CASC3: variants seen among roughly 807,000 people sequenced by gnomAD.
The protein encoded by CASC3 is protein CASC3.
Under a neutral mutation model 80.5 loss-of-function variants are expected in CASC3, and 30 were observed. That is an observed-to-expected ratio of 0.37 (90% CI 0.28 to 0.51). CASC3 has a LOEUF of 0.51. Ranked by LOEUF, CASC3 falls within the 20% of genes least tolerant of loss-of-function variation. The pLI is 0.94. For missense variants in CASC3, 824 were observed against 922.2 expected (o/e 0.89, Z 1.38); for synonymous variants, 312 against 333.6 (o/e 0.94, Z 0.70).
chr17:40,149,407 C>T (rs1988941144), intron 3 of CASC3, among the ~76,000 whole-genome samples: 2 of 151,556 alleles, frequency 1.3e-5, no homozygotes, highest in South Asian at 4.1e-4. Flanking sequence ...GCCACTGTGC[C>T]TGGCCAAAAA....
rs1303425846 is a variant in CASC3 at position 40,171,101 on chromosome 17, A to G, written c.*696A>G. ...CATGGCTGTCTGCACAGAGGGTCCC[A>G]TTGTGCAGAAAAGCTCAGAGTAGGT... On this transcript the variant is annotated 3_prime_UTR_variant, in exon 14 of 14. Transcript: ENST00000264645. 18 of 985,658 alleles carry G rather than the reference A, an allele frequency of 1.8e-5. No homozygotes were observed. The highest frequency in any genetic ancestry group is 2.2e-5 in the Non-Finnish European group (18 of 829,934). The allele number at this position is 985,658 out of a possible 1,614,324, so 61.1% of individuals were successfully genotyped here.
At chr17:40,169,041 A>G in intron 11 of CASC3, 1 of 328,576 alleles carries the variant, frequency 3.0e-6, no homozygotes, top group South Asian at 7.0e-5. Flanking sequence ...GACATAATCA[A>G]GTATCTGTAG....
rs570129786 is a variant in CASC3, at chr17:40,171,896, A to G, written c.*1491A>G. ...ACTTAATCTGTAACCCCCAAGGAGG[A>G]AATAACTAAGAGATTCTTCTAGGGG... On this transcript the variant is annotated 3_prime_UTR_variant, in exon 14 of 14. Transcript: ENST00000264645. 4 of 1,231,582 alleles carry G rather than the reference A, an allele frequency of 3.2e-6. No individual in the cohort carries two copies. The highest frequency in any genetic ancestry group is 1.6e-5 in the African/African-American group (1 of 63,966). 76.3% of individuals were successfully genotyped at this position (1,231,582 alleles called of 1,614,324 possible). A position where few individuals can be genotyped will look rare whatever the true frequency, so the allele number is the denominator to read the frequency against.
intron 7 of CASC3, among the ~76,000 whole-genome samples, chr17:40,165,168 C>T (rs952517654): frequency 1.3e-5 from 2 of 151,924 alleles, no homozygotes; most frequent in Non-Finnish European, 2.9e-5. Flanking sequence ...CGTGATCCGC[C>T]CACCTTGGCC....
chr17:40,141,105 A>G (rs1350534087), intron 1 of CASC3, 102 bp from the exon 2 acceptor site: 1 of 1,116,204 alleles, frequency 9.0e-7, no homozygotes, highest in African/African-American at 1.5e-5. Context: ...TCCCTCTCCA[A>G]CCATTTTGTG....
At chr17:40,161,482 C>T (rs1436455180) in intron 3 of CASC3, among the ~76,000 whole-genome samples, 1 of 152,160 alleles carries the variant, frequency 6.6e-6, no homozygotes, top group African/African-American at 2.4e-5. Flanking sequence ...AGTTCAAGAC[C>T]AGCCTGGCCA....
At position 40,171,544 on chromosome 17, in the gene CASC3, A is replaced by G. The variant is rs1567686730; in HGVS notation, c.*1139A>G. 5 of 988,930 alleles carry G rather than the reference A, an allele frequency of 5.1e-6. No individual in the cohort carries two copies. Among genetic ancestry groups the G allele is most frequent in the East Asian group, 1.1e-4 (1 of 9,088 alleles). 61.3% of individuals were successfully genotyped at this position (988,930 alleles called of 1,614,324 possible). A position where few individuals can be genotyped will look rare whatever the true frequency, so the allele number is the denominator to read the frequency against. ...TACTACCTTATTTTCCCCGAATTCT[A>G]TTTTTGTCCTTGCAGACAGAATATA... On this transcript the variant is annotated 3_prime_UTR_variant, in exon 14 of 14. Transcript: ENST00000264645.
chr17:40,150,730 G>A (rs1988982682), intron 3 of CASC3, among the ~76,000 whole-genome samples: 1 of 151,564 alleles, frequency 6.6e-6, no homozygotes, highest in African/African-American at 2.4e-5. Context: ...CTGCTTTATT[G>A]TGGCAAGGCG....
chr17:40,148,034 T>C (rs951943277), intron 3 of CASC3, among the ~76,000 whole-genome samples: 12 of 152,236 alleles, frequency 7.9e-5, no homozygotes, highest in African/African-American at 2.9e-4. Context: ...TTTCTTATTA[T>C]AACTTTATGG....
In CASC3 at chr17:40,169,587, T is replaced by G. The variant is rs571663342; in HGVS notation, c.2089-11T>G. On this transcript the variant is annotated splice_polypyrimidine_tract_variant and intron_variant, in intron 12 of 13. Transcript: ENST00000264645. Reference sequence around the variant, plus strand: ...ATGACCTGATAACAAATTCCAACTTTGTTATTTCAGGTTGTAAGCAGGGGT... The same window carrying G: ...ATGACCTGATAACAAATTCCAACTTGGTTATTTCAGGTTGTAAGCAGGGGT... The G allele has an allele frequency of 1.0e-5, 16 of 1,594,928 alleles. No individual in the cohort carries two copies. In the East Asian group the frequency reaches 3.6e-4, roughly 36 times the overall value.
chr17:40,160,411 C>T (rs1385527805), intron 3 of CASC3, among the ~76,000 whole-genome samples: 2 of 152,088 alleles, frequency 1.3e-5, no homozygotes, highest in African/African-American at 2.4e-5. Flanking sequence ...GGGAGGATCA[C>T]TTGAGCCCAG....
At chr17:40,160,256 G>A (rs139571396) in intron 3 of CASC3, among the ~76,000 whole-genome samples, 56 of 152,292 alleles carry the variant, frequency 3.7e-4, no homozygotes, top group African/African-American at 1.2e-3. Context: ...CCTTTGGGAG[G>A]CCAAGGGAGG....
chr17:40,141,632 T>C (rs767338248), intron 3 of CASC3, 25 bp downstream of exon 3: 30 of 1,594,072 alleles, frequency 1.9e-5, no homozygotes, highest in East Asian at 1.3e-4. Context: ...TTTTTTCCTA[T>C]GGTATAGATC....
intron 3 of CASC3, among the ~76,000 whole-genome samples, chr17:40,149,840 C>T (rs1332073871): frequency 6.6e-6 from 1 of 151,270 alleles, no homozygotes; most frequent in Non-Finnish European, 1.5e-5. Flanking sequence ...CCCGTCTCTA[C>T]TAAAAATACA....
At chr17:40,143,547 A>G (rs1322017009) in intron 3 of CASC3, among the ~76,000 whole-genome samples, 3 of 151,808 alleles carry the variant, frequency 2.0e-5, no homozygotes, top group African/African-American at 7.3e-5. Context: ...AAAAATAACT[A>G]TTGGCTGGGC....
intron 3 of CASC3, among the ~76,000 whole-genome samples, chr17:40,155,633 G>A (rs1479306765): frequency 9.9e-5 from 15 of 152,158 alleles, no homozygotes; most frequent in Admixed American, 9.8e-4. Context: ...AGTTAGATCT[G>A]AAAGAGACAT....
rs745509375 is a variant in CASC3, at chr17:40,162,875, C to T, written c.759C>T (p.Ile253=). Residue 253 remains isoleucine (I), a synonymous_variant, in exon 6 of 14, where the codon ATC becomes ATT. Coordinates refer to ENST00000264645, the MANE Select transcript of CASC3 (RefSeq NM_007359.5). The stretch of plus-strand genomic sequence containing the variant: ...GCTCAGCTCATAATCCTGATGACAT[C>T]AAACCTCGAAGAATCCGGAAACCCC... ...DIRSAHNPDD[I]KPRRIRKPRY... The T allele has an allele frequency of 2.5e-6, 4 of 1,613,776 alleles. No homozygotes were observed. The highest frequency in any genetic ancestry group is 2.7e-5 in the African/African-American group (2 of 74,852).
At chr17:40,170,278 C>A (rs73983013) in intron 13 of CASC3, among the ~76,000 whole-genome samples, 169 bp from the exon 14 acceptor site, 297 of 152,246 alleles carry the variant, frequency 2.0e-3, no homozygotes, top group African/African-American at 6.8e-3. Flanking sequence ...GCAGAAAAAA[C>A]CAGTTCTAAA....
At chr17:40,148,175 A>G (rs1028178277) in intron 3 of CASC3, among the ~76,000 whole-genome samples, 2 of 152,032 alleles carry the variant, frequency 1.3e-5, no homozygotes, top group Non-Finnish European at 2.9e-5. Context: ...TGTGGTGGTG[A>G]GAAATATGGT....
Sources: allele counts gnomAD v4.1 joint callset (sites outside exome capture counted in the v4.1 genomes callset), GRCh38; gene constraint gnomAD v4.1.1; transcripts MANE v1.5; gene names NCBI Gene and HGNC (gene_info 2026-07-23, HGNC 2026-07-21).